The following TRDN variants were observed in gnomAD, a reference collection of about 807,000 sequenced individuals.
TRDN encodes the protein triadin.
Under a neutral mutation model 149.7 loss-of-function variants are expected in TRDN, and 161 were observed. The ratio of observed to expected loss-of-function variants is 1.08; its 90% CI spans 0.95 to 1.23. The LOEUF is 1.23. TRDN is among the 50% of genes most tolerant of loss of function. The pLI is 0.00. For synonymous variants in TRDN, 294 were observed against 250.5 expected, an observed-to-expected ratio of 1.17 and a Z score of -1.64; for missense variants, 896 against 823.5, an observed-to-expected ratio of 1.09 and a Z score of -1.08.
chr6:123,622,799 A>G (rs963588623), intron 1 of TRDN, among the ~76,000 whole-genome samples: 22 of 152,116 alleles, frequency 1.4e-4, no homozygotes, highest in African/African-American at 5.1e-4. Flanking sequence ...ATTTGAAAAT[A>G]CATTTGTCAT....
rs1470118919 is a variant in TRDN, at chr6:123,526,773, T to A, written c.484+3733A>T. ...GTAGTTTAGGGTTGTTACAGGAACT[T>A]GGGATGACACATCTTATATTTGTTC... On this transcript the variant is annotated intron_variant, in intron 5 of 40. Coordinates refer to ENST00000334268, the MANE Select transcript of TRDN (RefSeq NM_006073.4). Among the ~76,000 whole-genome samples, 3 of 151,964 alleles carry A rather than the reference T, an allele frequency of 2.0e-5. No homozygotes were observed. In the East Asian group the frequency reaches 5.8e-4, roughly 29 times the overall value.
chr6:123,606,787 TAAA>T (rs1318671007), intron 1 of TRDN, among the ~76,000 whole-genome samples: 1 of 152,218 alleles, frequency 6.6e-6, no homozygotes, highest in Non-Finnish European at 1.5e-5. Flanking sequence ...GCTACAGTTA[TAAA>T]TTATGGGTTA....
chr6:123,510,830 G>A (rs1779146845), intron 7 of TRDN, among the ~76,000 whole-genome samples: 1 of 151,988 alleles, frequency 6.6e-6, no homozygotes, highest in South Asian at 2.1e-4. Flanking sequence ...TTTTACTAGA[G>A]ACAGGATTTC....
intron 26 of TRDN, 79 bp from the exon 27 acceptor site, chr6:123,274,749 A>G (rs1777315117): frequency 7.3e-7 from 1 of 1,365,440 alleles, no homozygotes; most frequent in East Asian, 2.5e-5. Context: ...AAATAATTTT[A>G]TTTGGTTATC....
chr6:123,425,267 GTGTGTGTGTGTA>G (rs1006537225), intron 12 of TRDN, among the ~76,000 whole-genome samples: 4 of 139,786 alleles, frequency 2.9e-5, no homozygotes, highest in East Asian at 4.2e-4. Flanking sequence ...GTGTGTGTGT[GTGTGTGTGTGTA>G]TGTGTAGATG....
rs1018473025 is a variant in TRDN, at chr6:123,337,802, C to T, written c.1370-133G>A. On this transcript the variant is annotated intron_variant, in intron 21 of 40. Coordinates refer to ENST00000334268, the MANE Select transcript of TRDN (RefSeq NM_006073.4). ...GAGTTGATATTCACAATACAAATGT[C>T]TCCAGGCATATGTTGTCTATAAGAC... The T allele has an allele frequency of 1.6e-5, 8 of 511,784 alleles. No homozygotes were observed. In the African/African-American group the frequency reaches 1.6e-4, roughly 10 times the overall value. The allele number at this position is 511,784 out of a possible 1,614,324, so 31.7% of individuals were successfully genotyped here.
intron 26 of TRDN, 86 bp from the exon 27 acceptor site, chr6:123,274,756 T>A: frequency 7.5e-7 from 1 of 1,324,770 alleles, no homozygotes; most frequent in Non-Finnish European, 1.1e-6. Flanking sequence ...TTTATTTGGT[T>A]ATCATAATTG....
At chr6:123,263,599 C>T (rs1351247175) in intron 33 of TRDN, among the ~76,000 whole-genome samples, 6 of 152,018 alleles carry the variant, frequency 3.9e-5, no homozygotes, top group Non-Finnish European at 8.8e-5. Context: ...AGCTGTACTC[C>T]AGCCTGGTGA....
intron 32 of TRDN, among the ~76,000 whole-genome samples, chr6:123,266,788 T>TTA (rs1777020888): frequency 7.5e-6 from 1 of 132,518 alleles, no homozygotes; most frequent in Non-Finnish European, 1.5e-5. Flanking sequence ...ATTATATATG[T>TTA]TATATATTAT....
At chr6:123,239,697 G>C (rs1233248654) in intron 38 of TRDN, among the ~76,000 whole-genome samples, 1 of 151,974 alleles carries the variant, frequency 6.6e-6, no homozygotes, top group African/African-American at 2.4e-5. Flanking sequence ...GCTTAACATT[G>C]AATTGTAATG....
intron 12 of TRDN, among the ~76,000 whole-genome samples, chr6:123,425,374 G>A (rs1044273726): frequency 6.6e-6 from 1 of 151,766 alleles, no homozygotes; most frequent in Non-Finnish European, 1.5e-5. Flanking sequence ...ATAGGCAATT[G>A]GATAGATGAA....
intron 20 of TRDN, among the ~76,000 whole-genome samples, chr6:123,359,686 A>ATTTGTTTG (rs556540709): frequency 6.6e-6 from 1 of 151,538 alleles, no homozygotes; most frequent in Admixed American, 6.6e-5. Context: ...TGTGAAGGGG[A>ATTTGTTTG]TTTGTTTGTT....
rs1405405914 is a variant in TRDN, at chr6:123,216,573, A to G, written c.*2028T>C. 6.6e-6 allele frequency: 1 copy of G among 151,874 alleles called. No homozygotes were observed. Among genetic ancestry groups the G allele is most frequent in the African/African-American group, 2.4e-5 (1 of 41,422 alleles). The allele number at this position is 151,874 out of a possible 1,614,324, so 9.4% of individuals were successfully genotyped here. A position where few individuals can be genotyped will look rare whatever the true frequency, so the allele number is the denominator to read the frequency against. On this transcript the variant is annotated 3_prime_UTR_variant, in exon 41 of 41. Coordinates refer to ENST00000334268, the MANE Select transcript of TRDN (RefSeq NM_006073.4). ...AAAGAAACAGTAAAATAGTCAGAGGAAAAACTAGTGCCATACCCAAAAGTA... is the reference window on the plus strand; with the variant it reads ...AAAGAAACAGTAAAATAGTCAGAGGGAAAACTAGTGCCATACCCAAAAGTA...
rs12198167 is a variant in TRDN, at chr6:123,530,465, G to A, written c.484+41C>T. 676,490 of 1,110,236 alleles carry A rather than the reference G, an allele frequency of 0.61. 211,806 individuals carry two copies. Among genetic ancestry groups the A allele is most frequent in the Non-Finnish European group, 0.64 (534,046 of 831,076 alleles). The allele number at this position is 1,110,236 out of a possible 1,614,324, so 68.8% of individuals were successfully genotyped here. ...TTCTCGCATATGAATACACAAAAAT[G>A]TATATCTAAATGAAGAATAAACATA... On this transcript the variant is annotated intron_variant, in intron 5 of 40. Coordinates refer to ENST00000334268, the MANE Select transcript of TRDN (RefSeq NM_006073.4).
intron 21 of TRDN, among the ~76,000 whole-genome samples, chr6:123,337,902 CA>C (rs1343347269): frequency 2.6e-5 from 4 of 151,642 alleles, no homozygotes; most frequent in Non-Finnish European, 4.4e-5. Context: ...GCCATATATA[CA>C]AAAAAAGGTA....
At chr6:123,398,445 T>C (rs1772824466) in intron 12 of TRDN, among the ~76,000 whole-genome samples, 1 of 152,230 alleles carries the variant, frequency 6.6e-6, no homozygotes, top group South Asian at 2.1e-4. Flanking sequence ...CCCCTCAAAA[T>C]ATATACATCC....
At chr6:123,573,799 A>C (rs941824797) in intron 1 of TRDN, among the ~76,000 whole-genome samples, 19 of 152,062 alleles carry the variant, frequency 1.2e-4, no homozygotes, top group Non-Finnish European at 2.5e-4. Flanking sequence ...GAATTCCTTA[A>C]ATTAGAAAAA....
At chr6:123,242,396 T>G (rs1383022793) in intron 38 of TRDN, among the ~76,000 whole-genome samples, 3 of 152,090 alleles carry the variant, frequency 2.0e-5, no homozygotes, top group Non-Finnish European at 4.4e-5. Flanking sequence ...ATCTCACACA[T>G]CCTCCTCCCA....
chr6:123,355,621 G>A (rs756209044), intron 20 of TRDN, among the ~76,000 whole-genome samples: 3 of 151,522 alleles, frequency 2.0e-5, no homozygotes, highest in African/African-American at 2.4e-5. Flanking sequence ...TATGAAAATC[G>A]AGTCAGCTTA....
Sources: allele counts gnomAD v4.1 joint callset (sites outside exome capture counted in the v4.1 genomes callset), GRCh38; gene constraint gnomAD v4.1.1; transcripts MANE v1.5; gene names NCBI Gene and HGNC (gene_info 2026-07-23, HGNC 2026-07-21).